The following C6 variants were observed in gnomAD, a reference collection of about 807,000 sequenced individuals.
C6 encodes complement C6.
C6 carries 101 observed loss-of-function variants against 112.9 expected under a neutral mutation model. The ratio of observed to expected loss-of-function variants is 0.89; its 90% confidence interval spans 0.76 to 1.06. C6 has a LOEUF of 1.06. C6 is among the 50% of genes least tolerant of loss of function. C6 has a pLI of 0.00. For synonymous variants in C6, 431 were observed against 384.1 expected (o/e 1.12, Z -1.43); for missense variants, 1,202 against 1,104.6 (o/e 1.09, Z -1.25).
chr5:41,208,903 G>A (rs1561173562), intron 1 of C6, among the ~76,000 whole-genome samples: 1 of 152,108 alleles, frequency 6.6e-6, no homozygotes, highest in South Asian at 2.1e-4. Context: ...CCAAAGCCTG[G>A]CAGAGACACA....
intron 7 of C6, among the ~76,000 whole-genome samples, chr5:41,177,748 A>G (rs1389208225): frequency 6.6e-6 from 1 of 152,122 alleles, no homozygotes; most frequent in Non-Finnish European, 1.5e-5. Context: ...CTCTTCCTTT[A>G]TTCTACCTTC....
At position 41,165,669 on chromosome 5, in the gene C6, G is replaced by A. The variant is rs114970915; in HGVS notation, c.1292-3810C>T. On this transcript the variant is annotated intron_variant, in intron 9 of 17. Coordinates refer to ENST00000337836, the MANE Select transcript of C6 (RefSeq NM_000065.5). ...CTTGTGCAACTACAAAATAATTATA[G>A]CAGACATGTATTGAATATTTAGTAT... Among the ~76,000 whole-genome samples, 509 of 152,124 alleles carry A rather than the reference G, an allele frequency of 3.3e-3. 3 individuals carry two copies. Among genetic ancestry groups the A allele is most frequent in the African/African-American group, 0.012 (490 of 41,524 alleles).
intron 1 of C6, among the ~76,000 whole-genome samples, chr5:41,211,793 G>A (rs1383046669): frequency 6.6e-6 from 1 of 151,994 alleles, no homozygotes; most frequent in Non-Finnish European, 1.5e-5. Flanking sequence ...CTCAATTGTA[G>A]AGAAAACAAA....
At chr5:41,163,263 G>C (rs1267500725) in intron 9 of C6, among the ~76,000 whole-genome samples, 1 of 149,152 alleles carries the variant, frequency 6.7e-6, no homozygotes, top group African/African-American at 2.5e-5. Context: ...CCAAAAGCAT[G>C]TCAAAAATTT....
At chr5:41,255,244 C>A (rs1362380262) in intron 1 of C6, among the ~76,000 whole-genome samples, 1 of 151,784 alleles carries the variant, frequency 6.6e-6, no homozygotes, top group Non-Finnish European at 1.5e-5. Context: ...GCCTGTAATC[C>A]CAGCTACTCG....
chr5:41,256,902 A>G (rs1741749642), intron 1 of C6, among the ~76,000 whole-genome samples: 1 of 152,226 alleles, frequency 6.6e-6, no homozygotes, highest in Non-Finnish European at 1.5e-5. Context: ...TCCATCCCCA[A>G]GTCCAATGAG....
intron 5 of C6, among the ~76,000 whole-genome samples, chr5:41,190,219 A>G (rs1362447511): frequency 6.6e-6 from 1 of 152,188 alleles, no homozygotes; most frequent in Non-Finnish European, 1.5e-5. Context: ...ATTAGTTTAC[A>G]TTCTCACCAA....
chr5:41,249,543 C>T (rs1353959867), intron 1 of C6, among the ~76,000 whole-genome samples: 1 of 152,078 alleles, frequency 6.6e-6, no homozygotes, highest in Non-Finnish European at 1.5e-5. Flanking sequence ...TTCTTTCATC[C>T]ATAATCTTTC....
intron 7 of C6, among the ~76,000 whole-genome samples, chr5:41,178,730 T>G (rs1749075702): frequency 6.6e-6 from 1 of 152,074 alleles, no homozygotes; most frequent in South Asian, 2.1e-4. Context: ...CCTACCTCAG[T>G]CCTCCAAAGT....
intron 9 of C6, among the ~76,000 whole-genome samples, chr5:41,169,316 C>T (rs754686826): frequency 5.3e-5 from 8 of 151,958 alleles, no homozygotes; most frequent in Admixed American, 1.3e-4. Context: ...TACACACATA[C>T]GCACACACAC....
chr5:41,206,111 A>G (rs1379329178), intron 1 of C6, among the ~76,000 whole-genome samples: 4 of 152,222 alleles, frequency 2.6e-5, no homozygotes, highest in Non-Finnish European at 5.9e-5. Flanking sequence ...AAACAGGGTC[A>G]GGAGTGGACC....
chr5:41,236,151 C>T (rs1740284228), intron 1 of C6, among the ~76,000 whole-genome samples: 1 of 103,192 alleles, frequency 9.7e-6, no homozygotes, highest in South Asian at 4.1e-4. Context: ...AAGTCCTTGC[C>T]CACGCCTATG....
At chr5:41,239,103 T>TTTTC (rs1227832918) in intron 1 of C6, among the ~76,000 whole-genome samples, 31 of 138,916 alleles carry the variant, frequency 2.2e-4, no homozygotes, top group African/African-American at 8.0e-4. Context: ...ATTTCTTTTC[T>TTTTC]TTTCTTTCTT....
intron 1 of C6, among the ~76,000 whole-genome samples, chr5:41,243,686 C>G (rs1740863314): frequency 6.6e-6 from 1 of 152,134 alleles, no homozygotes; most frequent in Non-Finnish European, 1.5e-5. Flanking sequence ...CTTCTACACA[C>G]CAAAGCCTAC....
chr5:41,259,809 T>C (rs1580268149), intron 1 of C6, among the ~76,000 whole-genome samples: 2 of 152,208 alleles, frequency 1.3e-5, no homozygotes, highest in South Asian at 2.1e-4. Context: ...CTATTAAGAA[T>C]AGGGACACCG....
chr5:41,176,366 G>T (rs549965192), intron 8 of C6, 109 bp downstream of exon 8: 1 of 1,102,968 alleles, frequency 9.1e-7, no homozygotes, highest in Non-Finnish European at 1.3e-6. Context: ...TGGAAATAAA[G>T]CAGGATCTAA....
intron 2 of C6, among the ~76,000 whole-genome samples, chr5:41,202,194 C>A (rs112706757): frequency 8.5e-5 from 13 of 152,208 alleles, no homozygotes; most frequent in African/African-American, 3.1e-4. Context: ...GAATAATTCA[C>A]GTGAATTCTC....
intron 6 of C6, among the ~76,000 whole-genome samples, chr5:41,183,521 C>T (rs1749521432): frequency 6.6e-6 from 1 of 152,122 alleles, no homozygotes; most frequent in African/African-American, 2.4e-5. Context: ...AATGCTAATA[C>T]ACTGTTGGTG....
intron 1 of C6, among the ~76,000 whole-genome samples, chr5:41,219,466 G>A (rs1739031889): frequency 2.0e-5 from 3 of 152,106 alleles, no homozygotes; most frequent in Non-Finnish European, 4.4e-5. Flanking sequence ...GGCAATGCAA[G>A]CAATGAAGGG....
Sources: gnomAD v4.1 joint callset for allele counts (sites outside exome capture counted in the v4.1 genomes callset) on GRCh38, gnomAD v4.1.1 for gene constraint, MANE v1.5 for transcripts, NCBI Gene and HGNC (gene_info 2026-07-23, HGNC 2026-07-21) for gene names.